Variants in CEP112 observed in about 807,000 individuals in gnomAD.
CEP112 encodes the protein centrosomal protein of 112 kDa.
In CEP112, 127 loss-of-function variants were observed where a neutral mutation model predicts 153.0. The ratio of observed to expected loss-of-function variants is 0.83; its 90% CI spans 0.72 to 0.96. CEP112 has a LOEUF of 0.96. Ranked by LOEUF, CEP112 falls within the 40% of genes least tolerant of loss-of-function variation. CEP112 has a pLI of 0.00. For missense variants in CEP112, 1,089 were observed against 1,101.2 expected (o/e 0.99, Z 0.16); for synonymous variants, 358 against 374.4 (o/e 0.96, Z 0.51).
intron 23 of CEP112, among the ~76,000 whole-genome samples, chr17:65,711,634 A>G (rs901234580): frequency 5.3e-5 from 8 of 152,240 alleles, no homozygotes; most frequent in African/African-American, 1.4e-4. Flanking sequence ...GGCACTCTCC[A>G]GCTTTTTAGA....
chr17:65,917,585 C>T (rs1432123943), intron 19 of CEP112, among the ~76,000 whole-genome samples: 2 of 152,116 alleles, frequency 1.3e-5, no homozygotes, highest in Non-Finnish European at 1.5e-5. Context: ...GTAATTCCTC[C>T]AGTCTCAGCA....
At chr17:66,114,360 C>T (rs1174985448) in intron 6 of CEP112, among the ~76,000 whole-genome samples, 1 of 152,082 alleles carries the variant, frequency 6.6e-6, no homozygotes, top group Non-Finnish European at 1.5e-5. Context: ...TTTGGTCAAA[C>T]TGACATAAGC....
At chr17:65,828,854 G>C in intron 21 of CEP112, among the ~76,000 whole-genome samples, 2 of 151,308 alleles carry the variant, frequency 1.3e-5, no homozygotes, top group Admixed American at 1.3e-4. Flanking sequence ...ATATTCAAAA[G>C]TGAGATTAAT....
At chr17:65,982,387 T>C (rs1246890693) in intron 17 of CEP112, among the ~76,000 whole-genome samples, 2 of 152,178 alleles carry the variant, frequency 1.3e-5, no homozygotes, top group Non-Finnish European at 2.9e-5. Context: ...TTGCCCAACT[T>C]AACTGCTTAT....
chr17:66,074,490 A>T (rs1448422825), intron 8 of CEP112, among the ~76,000 whole-genome samples: 2 of 152,196 alleles, frequency 1.3e-5, no homozygotes, highest in Non-Finnish European at 2.9e-5. Context: ...AGAGAACAAG[A>T]TGCTCAATGA....
intron 20 of CEP112, among the ~76,000 whole-genome samples, chr17:65,865,079 T>C (rs768160560): frequency 4.6e-5 from 7 of 152,094 alleles, no homozygotes; most frequent in Admixed American, 6.5e-5. Context: ...TCTCACTCTG[T>C]TGCCCAGGCT....
intron 1 of CEP112, among the ~76,000 whole-genome samples, chr17:66,188,023 G>A (rs913267175): frequency 5.9e-5 from 9 of 151,904 alleles, no homozygotes; most frequent in South Asian, 4.2e-4. Context: ...TATTCTCACT[G>A]CCACGATCTC....
In CEP112 at chr17:65,790,797, T is replaced by C. The variant is rs540476650; in HGVS notation, c.2395-40073A>G. On this transcript the variant is annotated intron_variant, in intron 21 of 26. Coordinates refer to ENST00000535342, the MANE Select transcript of CEP112 (RefSeq NM_001199165.4). ...CTGAGGAAAAGCCTGTTAGAAGAGC[T>C]TGGGGCTTGTAAATAGAATCTCTGT... 3.1e-3 allele frequency among the ~76,000 whole-genome samples: 479 copies of C among 152,248 alleles called. 1 individual carries two copies. Among genetic ancestry groups the C allele is most frequent in the African/African-American group, 0.011 (468 of 41,550 alleles).
intron 17 of CEP112, among the ~76,000 whole-genome samples, chr17:65,983,066 C>A (rs9914676): frequency 1.3e-5 from 2 of 151,894 alleles, no homozygotes; most frequent in African/African-American, 2.4e-5. Flanking sequence ...TGACAGAAGG[C>A]GGGGAATGGG....
chr17:65,924,419 A>G (rs951169842), intron 19 of CEP112, among the ~76,000 whole-genome samples: 9 of 152,210 alleles, frequency 5.9e-5, no homozygotes, highest in Non-Finnish European at 2.9e-5. Flanking sequence ...AAATTTTGGG[A>G]TTAAAATCTA....
chr17:65,667,624 T>G (rs2046763419), intron 24 of CEP112, among the ~76,000 whole-genome samples: 1 of 151,588 alleles, frequency 6.6e-6, no homozygotes, highest in African/African-American at 2.4e-5. Flanking sequence ...GGCTAAAAAT[T>G]AGAAGCAATA....
chr17:65,849,292 C>T (rs940941883), intron 21 of CEP112, among the ~76,000 whole-genome samples: 2 of 152,136 alleles, frequency 1.3e-5, no homozygotes, highest in African/African-American at 2.4e-5. Flanking sequence ...TTAATTTTCC[C>T]GATTTCCTCA....
chr17:66,064,908 G>C (rs1054547244), intron 10 of CEP112, among the ~76,000 whole-genome samples: 2 of 152,062 alleles, frequency 1.3e-5, no homozygotes. Flanking sequence ...AACATTTAAG[G>C]GTGGAAATGA....
At chr17:65,853,727 A>T (rs969433157) in intron 20 of CEP112, among the ~76,000 whole-genome samples, 3 of 25,214 alleles carry the variant, frequency 1.2e-4, no homozygotes, top group Non-Finnish European at 1.6e-4. Context: ...GACTCCATCT[A>T]AAAAAAAAAA....
chr17:65,863,753 A>AAAG (rs1363818348), intron 20 of CEP112, among the ~76,000 whole-genome samples: 66 of 150,680 alleles, frequency 4.4e-4, no homozygotes, highest in African/African-American at 1.4e-3. Flanking sequence ...CTGTCTCAAA[A>AAAG]AAAAAAAGAA....
At chr17:66,150,818 TGTTTTTCCCTTTGGTACTATTA>T (rs1192323072) in intron 4 of CEP112, among the ~76,000 whole-genome samples, 1 of 152,260 alleles carries the variant, frequency 6.6e-6, no homozygotes, top group African/African-American at 2.4e-5. Context: ...TGCATTTGTC[TGTTTTTCCCTTTGGTACTATTA>T]GTTTTTGCTT....
rs139292892 is a variant in CEP112, at chr17:66,011,238, A to G, written c.1657-5469T>C. ...TCTCAATTTCCTTCAGTTCCGTTCT[A>G]CTTTTGGTTATTTCTTGTCTTCTGC... On this transcript the variant is annotated intron_variant, in intron 16 of 26. Coordinates refer to ENST00000535342, the MANE Select transcript of CEP112 (RefSeq NM_001199165.4). 4.0e-3 allele frequency among the ~76,000 whole-genome samples: 602 copies of G among 151,988 alleles called. 4 individuals carry two copies. The highest frequency in any genetic ancestry group is 0.014 in the African/African-American group (579 of 41,476).
At chr17:65,977,634 A>G (rs181654197) in intron 17 of CEP112, among the ~76,000 whole-genome samples, 4 of 152,140 alleles carry the variant, frequency 2.6e-5, no homozygotes, top group African/African-American at 4.8e-5. Flanking sequence ...AGATTCCCCA[A>G]TGTGGGGTTA....
At chr17:66,122,836 T>C (rs913870366) in intron 6 of CEP112, among the ~76,000 whole-genome samples, 1 of 152,156 alleles carries the variant, frequency 6.6e-6, no homozygotes, top group Non-Finnish European at 1.5e-5. Context: ...TCTCTGTCCC[T>C]GGTTCTCTCT....
Sources: allele counts gnomAD v4.1 joint callset (sites outside exome capture counted in the v4.1 genomes callset), GRCh38; gene constraint gnomAD v4.1.1; transcripts MANE v1.5; gene names NCBI Gene and HGNC (gene_info 2026-07-23, HGNC 2026-07-21).